Variants in NECAB3 observed in about 807,000 individuals in gnomAD.
NECAB3 encodes N-terminal EF-hand calcium-binding protein 3.
A neutral mutation model predicts 57.2 loss-of-function variants in NECAB3; 38 were observed. The ratio of observed to expected loss-of-function variants is 0.66; its 90% CI spans 0.51 to 0.87. The LOEUF (loss-of-function observed/expected upper bound fraction) is 0.87. Among genes scored for constraint, NECAB3 ranks in the 40% least tolerant of loss-of-function variants. NECAB3 has a pLI of 0.00. For missense variants in NECAB3, 474 were observed against 527.5 expected (o/e 0.90, Z 0.99); for synonymous variants, 223 against 222.6 (o/e 1.00, Z -0.02).
intron 5 of NECAB3, among the ~76,000 whole-genome samples, chr20:33,663,123 C>T (rs1274311511): frequency 6.6e-6 from 1 of 152,164 alleles, no homozygotes; most frequent in Admixed American, 6.5e-5. Context: ...AGGGGGAATT[C>T]CCTAGTGTCC....
intron 5 of NECAB3, chr20:33,667,292 T>TGGCGC (rs1402025748): frequency 2.8e-5 from 16 of 569,302 alleles, no homozygotes; most frequent in Non-Finnish European, 4.2e-5. Flanking sequence ...GCGGGCGGCG[T>TGGCGC]GGCGCGGGCG....
chr20:33,669,527 C>G, intron 4 of NECAB3, 55 bp from the exon 5 acceptor site: 1 of 1,595,916 alleles, frequency 6.3e-7, no homozygotes, highest in Non-Finnish European at 8.6e-7. Flanking sequence ...TCTACCCACC[C>G]TGGGATTCTG....
intron 10 of NECAB3, 89 bp from the exon 11 acceptor site, chr20:33,658,122 C>T (rs2017344274): frequency 8.7e-7 from 1 of 1,151,160 alleles, no homozygotes; most frequent in East Asian, 2.6e-5. Context: ...TCTCACACTG[C>T]CTCTGGAGCC....
At chr20:33,671,308 T>C (rs925840622) in intron 2 of NECAB3, among the ~76,000 whole-genome samples, 16 of 152,128 alleles carry the variant, frequency 1.1e-4, no homozygotes, top group African/African-American at 3.6e-4. Context: ...CACAGGGGCA[T>C]GTAAGCAGAG....
Position 33,674,286 on chromosome 20 carries a change from TCTGGGGCTGGGG to T in NECAB3, c.55_66del (p.Pro19_Gln22del), listed in dbSNP as rs1378050279. The T allele has an allele frequency of 2.4e-6, 3 of 1,227,086 alleles. No individual in the cohort carries two copies. The highest frequency in any genetic ancestry group is 3.2e-5 in the East Asian group (1 of 31,278). The allele number at this position is 1,227,086 out of a possible 1,614,324, so 76.0% of individuals were successfully genotyped here. ...GGCGCGAGCTGGGGGTGCCGCGGGG[TCTGGGGCTGGGG>T]CTGGGGCGCGGGCGGCCGGAGCAGG... On this transcript the variant is annotated inframe_deletion, in exon 1 of 12. Transcript: ENST00000246190.
chr20:33,668,213 T>C (rs1356723905), intron 5 of NECAB3: 12 of 1,598,428 alleles, frequency 7.5e-6, no homozygotes, highest in African/African-American at 1.3e-5. Context: ...GGCTCCAGGC[T>C]GCTGTACGAT....
chr20:33,668,366 T>C, intron 5 of NECAB3: 3 of 1,310,896 alleles, frequency 2.3e-6, no homozygotes, highest in Non-Finnish European at 3.1e-6. Flanking sequence ...ATACCCTTTC[T>C]GGGCCAGGAG....
chr20:33,663,989 G>A lies in NECAB3; in HGVS notation c.388-3594C>T, dbSNP rs1179478220. ...AAGCTCAGCCTAGGAGCCGCAGAGG[G>A]GTGAACGGGGCGTGATGAAGGCAGA... On this transcript the variant is annotated intron_variant, in intron 5 of 11. Transcript: ENST00000246190. 3 of 839,266 alleles carry A rather than the reference G, an allele frequency of 3.6e-6. No homozygotes were observed. The African/African-American group carries it at 5.4e-5, about 15-fold the overall frequency. The allele number at this position is 839,266 out of a possible 1,614,324, so 52.0% of individuals were successfully genotyped here. A position where few individuals can be genotyped will look rare whatever the true frequency, so the allele number is the denominator to read the frequency against.
chr20:33,672,313 C>T (rs1480706501), intron 2 of NECAB3, 85 bp downstream of exon 2: 1 of 1,538,036 alleles, frequency 6.5e-7, no homozygotes, highest in Non-Finnish European at 9.0e-7. Context: ...CTCTTGACTT[C>T]CCACCCAACC....
At chr20:33,673,778 G>C (rs937977189) in intron 1 of NECAB3, among the ~76,000 whole-genome samples, 2 of 152,180 alleles carry the variant, frequency 1.3e-5, no homozygotes, top group Non-Finnish European at 2.9e-5. Flanking sequence ...CCCCATGGGA[G>C]GGTGACTCTG....
At chr20:33,658,910 T>G in intron 8 of NECAB3, 76 bp from the exon 9 acceptor site, 1 of 1,018,862 alleles carries the variant, frequency 9.8e-7, no homozygotes, top group Non-Finnish European at 1.5e-6. Flanking sequence ...TCCAGGAGGT[T>G]CTCAGCTGTT....
chr20:33,663,588 G>A lies in NECAB3; in HGVS notation c.388-3193C>T, dbSNP rs763444244. 21 of 1,611,260 alleles carry A rather than the reference G, an allele frequency of 1.3e-5. No homozygotes were observed. The African/African-American group carries it at 2.7e-4, about 21-fold the overall frequency. ...AGCGGCAGCCGCTGGCCAACGCTGG[G>A]CAACGGATTGACTACGCGTCCGGCG... is the stretch of plus-strand genomic sequence containing the variant. On this transcript the variant is annotated intron_variant, in intron 5 of 11. Transcript: ENST00000246190.
chr20:33,658,541 T>A lies in NECAB3; in HGVS notation c.1006A>T (p.Lys336Ter). The A allele has an allele frequency of 6.2e-7, 1 of 1,613,986 alleles. No homozygotes were observed. ...GTGAAGGAGGCACCGTCCAGCATCT[T>A]CTGGGCGGACACACTGTAGGGCCAA... The part of the protein sequence containing the change: ...QSHCLHVSAQ[K>*]MLDGASFTLY... Residue 336 changes from lysine (K) to a stop codon, truncating the protein, a stop_gained, in exon 10 of 12, where the codon AAG becomes TAG. Coordinates refer to ENST00000246190, the MANE Select transcript of NECAB3 (RefSeq NM_031232.4). LOFTEE classifies it high-confidence loss of function.
chr20:33,659,638 C>T lies in NECAB3; in HGVS notation c.738G>A (p.Gly246=), dbSNP rs1178226977. The change falls in exon 8 of 12, where the codon GGG becomes GGA. Residue 246 remains glycine (G), a synonymous_variant. Coordinates refer to ENST00000246190, the MANE Select transcript of NECAB3 (RefSeq NM_031232.4). The stretch of plus-strand genomic sequence containing the variant: ...AGGGTCCTCCCTTGTGGGGCCCTGG[C>T]CCCACGGCCCTCACCTTGCACTCGA... ...DQLECKVRAV[G]PGPHKGGPSW... is the part of the protein sequence containing the mutation. The T allele has an allele frequency of 6.2e-7, 1 of 1,610,582 alleles. No individual in the cohort carries two copies. The highest frequency in any genetic ancestry group is 1.3e-5 in the African/African-American group (1 of 74,998).
intron 1 of NECAB3, 97 bp from the exon 2 acceptor site, chr20:33,672,519 C>G (rs1365225893): frequency 1.8e-5 from 26 of 1,443,958 alleles, no homozygotes; most frequent in Non-Finnish European, 2.5e-5. Flanking sequence ...CCGACCTACC[C>G]CCTGCCTCGC....
At position 33,660,446 on chromosome 20, in the gene NECAB3, CTT is replaced by C. The variant is rs747129952; in HGVS notation, c.388-53_388-52del. On this transcript the variant is annotated intron_variant, in intron 5 of 11. Coordinates refer to ENST00000246190, the MANE Select transcript of NECAB3 (RefSeq NM_031232.4). The surrounding 1 kb of genome is among the most constrained non-coding windows in gnomAD (Gnocchi z 4.1). Reference sequence around the variant, plus strand: ...CATCTCCCAGCCCGGGCACTGATCTCTTGAGTGGGTCCCCTGCCTCTTGCCCA... The same window carrying C: ...CATCTCCCAGCCCGGGCACTGATCTCGAGTGGGTCCCCTGCCTCTTGCCCA... The C allele has an allele frequency of 8.8e-6, 14 of 1,595,792 alleles. No individual in the cohort carries two copies. The highest frequency in any genetic ancestry group is 3.4e-5 in the Admixed American group (2 of 59,326).
At chr20:33,668,279 T>C in intron 5 of NECAB3, 1 of 1,540,846 alleles carries the variant, frequency 6.5e-7, no homozygotes, top group Non-Finnish European at 8.8e-7. Context: ...GGGGGACAGC[T>C]CTCTATCTAA....
Position 33,660,154 on chromosome 20 carries a change from G to T in NECAB3, c.524+105C>A. 1 of 1,533,914 alleles carries T rather than the reference G, an allele frequency of 6.5e-7. No individual in the cohort carries two copies. On this transcript the variant is annotated intron_variant, in intron 6 of 11. Transcript: ENST00000246190. The surrounding 1 kb of genome is among the most constrained non-coding windows in gnomAD (Gnocchi z 4.1). ...ATGGCTACCCTGCCATGGCTTCCCC[G>T]CCCGAAAATGCAGGCTCCAGGATGC... is the stretch of plus-strand genomic sequence containing the variant.
Position 33,669,442 on chromosome 20 carries a change from C to T in NECAB3, c.320G>A (p.Arg107Gln), listed in dbSNP as rs1165770242. The change falls in exon 5 of 12, where the codon CGG (arginine) becomes CAG (glutamine). Residue 107 changes from arginine to glutamine, a missense_variant. Physicochemically the swap from Arg to Gln is conservative, Grantham distance 43. Transcript: ENST00000246190. The stretch of plus-strand genomic sequence containing the variant: ...CGATTCCAATGCAGCCAGCACCGGC[C>T]GGTAGACACCCAGGTGCTCTGAGAA... ...DYFSEHLGVYRPVLAALESLN... is the reference protein window; with the variant it reads ...DYFSEHLGVYQPVLAALESLN... 8 of 1,613,764 alleles carry T rather than the reference C, an allele frequency of 5.0e-6. No homozygotes were observed. Among genetic ancestry groups the T allele is most frequent in the Non-Finnish European group, 5.1e-6 (6 of 1,180,030 alleles).
Sources: allele counts gnomAD v4.1 joint callset (sites outside exome capture counted in the v4.1 genomes callset), GRCh38; gene constraint gnomAD v4.1.1; non-coding constraint Gnocchi (gnomAD v3.1); transcripts MANE v1.5; gene names NCBI Gene and HGNC (gene_info 2026-07-23, HGNC 2026-07-21).